PRKN: variants seen among roughly 807,000 people sequenced by gnomAD.
PRKN encodes parkin RBR E3 ubiquitin protein ligase.
A neutral mutation model predicts 59.5 loss-of-function variants in PRKN; 56 were observed. That is an observed-to-expected ratio of 0.94 (90% CI 0.76 to 1.18). PRKN has a LOEUF of 1.18. PRKN is among the 50% of genes most tolerant of loss of function. PRKN has a pLI of 0.00. For missense variants in PRKN, 657 were observed against 596.4 expected, an observed-to-expected ratio of 1.10 and a Z score of -1.06; for synonymous variants, 250 against 222.1, an observed-to-expected ratio of 1.13 and a Z score of -1.12.
intron 1 of PRKN, among the ~76,000 whole-genome samples, chr6:162,486,183 T>C (rs553613743): frequency 6.6e-6 from 1 of 152,330 alleles, no homozygotes; most frequent in Non-Finnish European, 1.5e-5. Context: ...TGTACAACTT[T>C]GCAGGCTCTT....
At chr6:162,213,433 A>G (rs567856067) in intron 3 of PRKN, among the ~76,000 whole-genome samples, 1 of 151,834 alleles carries the variant, frequency 6.6e-6, no homozygotes, top group Admixed American at 6.5e-5. Context: ...GCATGCTCAC[A>G]ATAGTAAAAC....
intron 6 of PRKN, among the ~76,000 whole-genome samples, chr6:161,883,032 C>G: frequency 7.2e-6 from 1 of 139,686 alleles, no homozygotes; most frequent in South Asian, 2.4e-4. Context: ...ACAACAACAA[C>G]AAAAAAAAAC....
chr6:162,644,902 A>G (rs2846533), intron 1 of PRKN, among the ~76,000 whole-genome samples: 93,218 of 151,978 alleles, frequency 0.61, 29,323 homozygotes, highest in African/African-American at 0.75. Context: ...AGGCTTAGAA[A>G]AAACAGTCAA....
intron 11 of PRKN, among the ~76,000 whole-genome samples, chr6:161,358,400 G>A (rs1245495641): frequency 2.0e-5 from 3 of 152,152 alleles, no homozygotes; most frequent in South Asian, 2.1e-4. Flanking sequence ...ATCACCTGAG[G>A]TCAGGAGTTC....
chr6:161,704,996 A>C (rs1331233401), intron 7 of PRKN, among the ~76,000 whole-genome samples: 1 of 152,194 alleles, frequency 6.6e-6, no homozygotes, highest in African/African-American at 2.4e-5. Context: ...GAGAATAGGC[A>C]CTGGCGTTTC....
At chr6:162,214,317 CG>C (rs1777538948) in intron 3 of PRKN, among the ~76,000 whole-genome samples, 1 of 152,120 alleles carries the variant, frequency 6.6e-6, no homozygotes, top group African/African-American at 2.4e-5. Context: ...GCAGCAGAAT[CG>C]TGGTTTCCCT....
At chr6:162,705,707 T>C (rs1778314713) in intron 1 of PRKN, among the ~76,000 whole-genome samples, 1 of 152,204 alleles carries the variant, frequency 6.6e-6, no homozygotes, top group Non-Finnish European at 1.5e-5. Context: ...TCAAATGATT[T>C]TCTTGGCCAG....
intron 4 of PRKN, among the ~76,000 whole-genome samples, chr6:162,055,623 G>C: frequency 6.6e-6 from 1 of 152,148 alleles, no homozygotes; most frequent in Non-Finnish European, 1.5e-5. Context: ...AAGGGCTGGA[G>C]GGGATTGACA....
chr6:161,565,222 C>T (rs1450040017), intron 8 of PRKN, among the ~76,000 whole-genome samples: 1 of 152,156 alleles, frequency 6.6e-6, no homozygotes. Flanking sequence ...GACCGCAAAA[C>T]TTCAATGCCA....
chr6:162,090,705 G>A (rs1318092205), intron 4 of PRKN, among the ~76,000 whole-genome samples: 1 of 152,118 alleles, frequency 6.6e-6, no homozygotes, highest in Non-Finnish European at 1.5e-5. Context: ...CAATGATGTA[G>A]GACGATGTTT....
intron 4 of PRKN, among the ~76,000 whole-genome samples, chr6:162,121,810 G>A (rs1040791537): frequency 8.5e-5 from 13 of 152,100 alleles, no homozygotes; most frequent in African/African-American, 3.1e-4. Context: ...AGAGAATTTT[G>A]ACCAAATCAC....
At chr6:162,524,951 T>A (rs1223214390) in intron 1 of PRKN, among the ~76,000 whole-genome samples, 1 of 152,164 alleles carries the variant, frequency 6.6e-6, no homozygotes, top group Non-Finnish European at 1.5e-5. Flanking sequence ...GAAATATCAC[T>A]GATTCTTCAA....
At chr6:162,572,091 A>G (rs1048924022) in intron 1 of PRKN, among the ~76,000 whole-genome samples, 4 of 152,124 alleles carry the variant, frequency 2.6e-5, no homozygotes, top group African/African-American at 7.2e-5. Context: ...CCTGGCACCT[A>G]GACTTGAGCT....
intron 4 of PRKN, among the ~76,000 whole-genome samples, chr6:162,060,934 TTAAG>T (rs1256966514): frequency 6.6e-6 from 1 of 152,218 alleles, no homozygotes; most frequent in African/African-American, 2.4e-5. Flanking sequence ...AGCCACATAA[TTAAG>T]TGTCAGGGAC....
chr6:162,039,131 G>T (rs1783962518), intron 5 of PRKN, among the ~76,000 whole-genome samples: 1 of 151,192 alleles, frequency 6.6e-6, no homozygotes, highest in Admixed American at 6.6e-5. Context: ...ACTCCAGCCT[G>T]GGCGACAGAG....
chr6:162,136,014 C>T (rs1269692609), intron 4 of PRKN, among the ~76,000 whole-genome samples: 3 of 151,754 alleles, frequency 2.0e-5, no homozygotes, highest in Non-Finnish European at 4.4e-5. Flanking sequence ...ACCCTCAGCC[C>T]TGAGTCCCCC....
intron 1 of PRKN, among the ~76,000 whole-genome samples, chr6:162,563,235 C>G (rs1156921394): frequency 6.6e-6 from 1 of 151,602 alleles, no homozygotes. Flanking sequence ...ACCCAGGAGG[C>G]GGAGCTTGCA....
intron 4 of PRKN, among the ~76,000 whole-genome samples, chr6:162,103,042 CAAAA>C (rs1163020488): frequency 1.3e-4 from 7 of 54,332 alleles, no homozygotes; most frequent in African/African-American, 3.2e-4. Flanking sequence ...GACTCTGTCT[CAAAA>C]AAAAAAAAAA....
intron 1 of PRKN, among the ~76,000 whole-genome samples, chr6:162,534,365 T>G (rs1778633589): frequency 6.6e-6 from 1 of 152,132 alleles, no homozygotes; most frequent in Non-Finnish European, 1.5e-5. Flanking sequence ...CCTTTCATGA[T>G]TCCACTGAGA....
Sources: allele counts gnomAD v4.1 joint callset (sites outside exome capture counted in the v4.1 genomes callset), GRCh38; gene constraint gnomAD v4.1.1; transcripts MANE v1.5; gene names NCBI Gene and HGNC (gene_info 2026-07-23, HGNC 2026-07-21).